TTC27: variants seen among roughly 807,000 people sequenced by gnomAD.
TTC27 encodes the protein tetratricopeptide repeat protein 27.
A neutral mutation model predicts 115.9 loss-of-function variants in TTC27; 79 were observed. That is an observed-to-expected ratio of 0.68 (90% confidence interval 0.57 to 0.82). TTC27 has a LOEUF of 0.82. Ranked by LOEUF, TTC27 falls within the 40% of genes least tolerant of loss-of-function variation. The probability of loss-of-function intolerance (pLI) is 0.00; values close to 1 mark genes in which losing one functional copy is unlikely to be tolerated. For missense variants in TTC27, 1,054 were observed against 993.1 expected (o/e 1.06, Z -0.82); for synonymous variants, 401 against 356.0 (o/e 1.13, Z -1.42).
chr2:32,699,135 C>G (rs17012106), intron 9 of TTC27, among the ~76,000 whole-genome samples: 1 of 152,106 alleles, frequency 6.6e-6, no homozygotes, highest in Non-Finnish European at 1.5e-5. Flanking sequence ...TGCAGTGCAC[C>G]CAACAGTATG....
chr2:32,805,607 G>T (rs1214404025), intron 16 of TTC27, among the ~76,000 whole-genome samples: 3 of 152,188 alleles, frequency 2.0e-5, no homozygotes, highest in African/African-American at 7.2e-5. Flanking sequence ...TGACACCATG[G>T]TGGTGAATTC....
intron 5 of TTC27, among the ~76,000 whole-genome samples, chr2:32,653,606 A>C (rs1665213830): frequency 2.7e-5 from 4 of 149,928 alleles, no homozygotes; most frequent in Admixed American, 6.6e-5. Flanking sequence ...AAAAAAAAAA[A>C]CAAAAAAAAA....
intron 9 of TTC27, among the ~76,000 whole-genome samples, chr2:32,700,893 A>G (rs1473559558): frequency 2.0e-5 from 3 of 152,178 alleles, no homozygotes. Flanking sequence ...AGTGTTGTAC[A>G]TTTTAAAGAA....
At chr2:32,732,783 A>C (rs945516335) in intron 10 of TTC27, among the ~76,000 whole-genome samples, 4 of 152,208 alleles carry the variant, frequency 2.6e-5, no homozygotes, top group Admixed American at 2.6e-4. Context: ...CCCAGTATGC[A>C]TAATAACATC....
At chr2:32,790,921 C>G (rs759627742) in intron 16 of TTC27, among the ~76,000 whole-genome samples, 1 of 152,138 alleles carries the variant, frequency 6.6e-6, no homozygotes, top group Non-Finnish European at 1.5e-5. Context: ...TTGCTCAGTC[C>G]TTACCTATTA....
Position 32,673,921 on chromosome 2 carries a change from A to G in TTC27, c.1052+1537A>G, listed in dbSNP as rs956920254. 3.3e-5 allele frequency among the ~76,000 whole-genome samples: 5 copies of G among 152,104 alleles called. No individual in the cohort carries two copies. In the East Asian group the frequency reaches 9.8e-4, roughly 30 times the overall value. ...GAGACAGAATCGCTTGAACCGAGAGATTGCAGTGAGCTGAGATCACGCCAC... is the reference window on the plus strand; with the variant it reads ...GAGACAGAATCGCTTGAACCGAGAGGTTGCAGTGAGCTGAGATCACGCCAC... On this transcript the variant is annotated intron_variant, in intron 8 of 19. Coordinates refer to ENST00000317907, the MANE Select transcript of TTC27 (RefSeq NM_017735.5).
chr2:32,629,729 G>A (rs1311223556), intron 1 of TTC27, among the ~76,000 whole-genome samples: 1 of 152,176 alleles, frequency 6.6e-6, no homozygotes, highest in East Asian at 1.9e-4. Flanking sequence ...ATGAGCCACC[G>A]CGCCCAGCCT....
intron 4 of TTC27, among the ~76,000 whole-genome samples, chr2:32,642,758 C>G (rs1484481286): frequency 6.6e-6 from 1 of 151,922 alleles, no homozygotes; most frequent in Non-Finnish European, 1.5e-5. Flanking sequence ...ACCTCCACCT[C>G]CTGGGCTGAA....
chr2:32,715,105 T>C (rs773129473), intron 10 of TTC27, among the ~76,000 whole-genome samples: 1 of 152,234 alleles, frequency 6.6e-6, no homozygotes, highest in Non-Finnish European at 1.5e-5. Flanking sequence ...TTTTTGTTTT[T>C]GTTGAAATTG....
intron 13 of TTC27, among the ~76,000 whole-genome samples, chr2:32,763,288 G>C (rs573974151): frequency 3.6e-4 from 55 of 152,290 alleles, no homozygotes; most frequent in African/African-American, 1.3e-3. Context: ...AACCAAGTTT[G>C]AACTGTCTGG....
intron 9 of TTC27, among the ~76,000 whole-genome samples, chr2:32,695,184 A>C (rs1408897798): frequency 1.3e-5 from 2 of 152,090 alleles, no homozygotes; most frequent in Non-Finnish European, 2.9e-5. Context: ...TTAAACAATA[A>C]CTCCCTTTCT....
At chr2:32,684,194 G>A (rs1428169109) in intron 9 of TTC27, among the ~76,000 whole-genome samples, 4 of 152,018 alleles carry the variant, frequency 2.6e-5, no homozygotes, top group Admixed American at 6.6e-5. Flanking sequence ...TTGTTCTTGC[G>A]ATAGTTTACT....
chr2:32,685,015 C>CTTTTTTTTTTTTT (rs70938361), intron 9 of TTC27, among the ~76,000 whole-genome samples: 54 of 116,304 alleles, frequency 4.6e-4, no homozygotes, highest in Non-Finnish European at 7.5e-4. Context: ...TTGCCTTTTC[C>CTTTTTTTTTTTTT]TTTTTTTTTT....
Position 32,804,571 on chromosome 2 carries a change from A to C in TTC27, c.1999-6453A>C, listed in dbSNP as rs142794909. On this transcript the variant is annotated intron_variant, in intron 16 of 19. Coordinates refer to ENST00000317907, the MANE Select transcript of TTC27 (RefSeq NM_017735.5). ...TAAAGGGTATGTGGAAAACATGAAA[A>C]AAATTCTATAGCCTAATGTTACAGT... is the stretch of plus-strand genomic sequence containing the variant. 7.7e-4 allele frequency among the ~76,000 whole-genome samples: 117 copies of C among 152,306 alleles called. No homozygotes were observed. In the East Asian group the frequency reaches 8.3e-3, roughly 11 times the overall value.
At chr2:32,710,300 A>G (rs893075437) in intron 10 of TTC27, among the ~76,000 whole-genome samples, 7 of 152,092 alleles carry the variant, frequency 4.6e-5, no homozygotes, top group East Asian at 1.9e-4. Context: ...CCTAGAAATA[A>G]TTTGCCTTTT....
chr2:32,688,171 C>T (rs947405477), intron 9 of TTC27, among the ~76,000 whole-genome samples: 4 of 152,100 alleles, frequency 2.6e-5, no homozygotes, highest in African/African-American at 7.2e-5. Flanking sequence ...TAAATAACTA[C>T]TGCGTATGTA....
At chr2:32,802,983 G>T (rs79282793) in intron 16 of TTC27, among the ~76,000 whole-genome samples, 2 of 152,142 alleles carry the variant, frequency 1.3e-5, no homozygotes, top group African/African-American at 2.4e-5. Flanking sequence ...CTGTTGGCTC[G>T]TATTTCCCTG....
chr2:32,692,036 GTTTTTTTTTTT>G lies in TTC27; in HGVS notation c.1120-10755_1120-10745del, dbSNP rs779547700. 4.2e-4 allele frequency among the ~76,000 whole-genome samples: 26 copies of G among 61,210 alleles called. No individual in the cohort carries two copies. The South Asian group carries it at 5.3e-3, about 12-fold the overall frequency. The allele number at this position is 61,210 out of a possible 152,430, so 40.2% of individuals were successfully genotyped here. ...GGGATATTCTTTTTTAATTTTTTAG[GTTTTTTTTTTT>G]TTTTTTTTTTTTTTTGTAGAGACAG... On this transcript the variant is annotated intron_variant, in intron 9 of 19. Transcript: ENST00000317907.
chr2:32,630,432 A>G, intron 1 of TTC27, 91 bp from the exon 2 acceptor site: 1 of 1,009,056 alleles, frequency 9.9e-7, no homozygotes, highest in East Asian at 2.5e-5. Context: ...GTTTTTGCAC[A>G]CTAAAATGGT....
Sources: allele counts gnomAD v4.1 joint callset (sites outside exome capture counted in the v4.1 genomes callset), GRCh38; gene constraint gnomAD v4.1.1; transcripts MANE v1.5; gene names NCBI Gene and HGNC (gene_info 2026-07-23, HGNC 2026-07-21).